Variants in CIB4 observed in about 807,000 individuals in gnomAD.
The protein encoded by CIB4 is calcium and integrin binding family member 4.
A neutral mutation model predicts 25.8 loss-of-function variants in CIB4; 25 were observed. The ratio of observed to expected loss-of-function variants is 0.97; its 90% CI spans 0.71 to 1.35. The LOEUF is 1.35. Among genes scored for constraint, CIB4 ranks in the 40% most tolerant of loss-of-function variants. The probability of loss-of-function intolerance (pLI) is 0.00; values close to 1 mark genes in which losing one functional copy is unlikely to be tolerated. For synonymous variants in CIB4, 75 were observed against 81.4 expected (o/e 0.92, Z 0.42); for missense variants, 235 against 228.2 (o/e 1.03, Z -0.19).
At chr2:26,598,841 G>A (rs1280127754) in intron 3 of CIB4, among the ~76,000 whole-genome samples, 2 of 152,144 alleles carry the variant, frequency 1.3e-5, no homozygotes, top group African/African-American at 4.8e-5. Flanking sequence ...GCCCTGGTGG[G>A]GCAGCCTCAT....
intron 2 of CIB4, among the ~76,000 whole-genome samples, chr2:26,631,951 T>G (rs1669427685): frequency 6.6e-6 from 1 of 152,174 alleles, no homozygotes; most frequent in South Asian, 2.1e-4. Context: ...GGCCCCTGGG[T>G]GCTTCCCTGG....
At chr2:26,584,961 C>T (rs1004209606) in intron 4 of CIB4, among the ~76,000 whole-genome samples, 6 of 152,198 alleles carry the variant, frequency 3.9e-5, no homozygotes, top group Admixed American at 1.3e-4. Context: ...GCCCACCCAC[C>T]GTCCCGCCAG....
At chr2:26,625,674 C>G (rs189324642) in intron 3 of CIB4, among the ~76,000 whole-genome samples, 7 of 152,322 alleles carry the variant, frequency 4.6e-5, no homozygotes, top group East Asian at 3.9e-4. Flanking sequence ...CTCCACCCCC[C>G]CACTGCTTCC....
At chr2:26,601,231 A>AAAAAAAAAAAAAAAAAAAAATAT (rs1395827334) in intron 3 of CIB4, among the ~76,000 whole-genome samples, 1 of 17,238 alleles carries the variant, frequency 5.8e-5, no homozygotes, top group African/African-American at 1.5e-4. Context: ...AAAAAAAAAA[A>AAAAAAAAAAAAAAAAAAAAATAT]ATATATATAT....
At chr2:26,622,239 T>C (rs1669217817) in intron 3 of CIB4, among the ~76,000 whole-genome samples, 1 of 152,052 alleles carries the variant, frequency 6.6e-6, no homozygotes, top group Non-Finnish European at 1.5e-5. Flanking sequence ...CGGGCACCTG[T>C]AATCCCAGCT....
chr2:26,582,163 T>G (rs766989560), intron 6 of CIB4, among the ~76,000 whole-genome samples: 1 of 152,180 alleles, frequency 6.6e-6, no homozygotes, highest in Non-Finnish European at 1.5e-5. Context: ...TGAGTGGGCA[T>G]ACTTGAAATC....
At chr2:26,583,166 C>A (rs1668384281) in intron 5 of CIB4, among the ~76,000 whole-genome samples, 1 of 152,306 alleles carries the variant, frequency 6.6e-6, no homozygotes, top group Admixed American at 6.5e-5. Context: ...GTGTCCCCCA[C>A]CTGCCCCACC....
chr2:26,581,424 G>GC, intron 6 of CIB4, 31 bp from the exon 7 acceptor site: 1 of 1,612,776 alleles, frequency 6.2e-7, no homozygotes. Context: ...AGCCATGTGA[G>GC]CCCGCAGGTC....
chr2:26,581,320 G>C lies in CIB4; in HGVS notation c.*43C>G, dbSNP rs781548389. 7 of 1,577,752 alleles carry C rather than the reference G, an allele frequency of 4.4e-6. No individual in the cohort carries two copies. The highest frequency in any genetic ancestry group is 6.1e-6 in the Non-Finnish European group (7 of 1,147,036). On this transcript the variant is annotated 3_prime_UTR_variant, in exon 7 of 7. Coordinates refer to ENST00000288861, the MANE Select transcript of CIB4 (RefSeq NM_001029881.3). ...CAGTGCTGGAGGGGGTTCGATTCCT[G>C]TGGTCTCCCTCGAGGCTGCCATGTC...
intron 4 of CIB4, among the ~76,000 whole-genome samples, chr2:26,591,135 C>T (rs945194901): frequency 1.1e-4 from 17 of 152,344 alleles, no homozygotes; most frequent in Admixed American, 5.2e-4. Flanking sequence ...GCCCAGCCTA[C>T]GCTCTACCGT....
At chr2:26,628,462 G>A (rs1669350433) in intron 3 of CIB4, among the ~76,000 whole-genome samples, 1 of 152,098 alleles carries the variant, frequency 6.6e-6, no homozygotes, top group South Asian at 2.1e-4. Context: ...GCAAGGGTGT[G>A]TGTTTGTGGG....
At chr2:26,583,000 C>G in intron 5 of CIB4, 87 bp from the exon 6 acceptor site, 2 of 832,118 alleles carry the variant, frequency 2.4e-6, no homozygotes, top group Non-Finnish European at 4.1e-6. Context: ...AAGCCACATG[C>G]CAGGGGCTCT....
intron 6 of CIB4, among the ~76,000 whole-genome samples, chr2:26,582,160 G>A (rs1449771822): frequency 3.9e-5 from 6 of 152,328 alleles, no homozygotes; most frequent in South Asian, 4.1e-4. Context: ...CCTTGAGTGG[G>A]CATACTTGAA....
At chr2:26,587,890 C>G (rs1668487105) in intron 4 of CIB4, among the ~76,000 whole-genome samples, 1 of 152,188 alleles carries the variant, frequency 6.6e-6, no homozygotes, top group Non-Finnish European at 1.5e-5. Context: ...GAAACTAAGG[C>G]CCAGGTTTGC....
intron 2 of CIB4, among the ~76,000 whole-genome samples, chr2:26,630,998 T>G (rs909322684): frequency 6.6e-6 from 1 of 152,034 alleles, no homozygotes; most frequent in Non-Finnish European, 1.5e-5. Flanking sequence ...TACCCCTCCC[T>G]CCTTTAGTCC....
At chr2:26,637,801 C>A (rs1487622005) in intron 2 of CIB4, among the ~76,000 whole-genome samples, 1 of 152,176 alleles carries the variant, frequency 6.6e-6, no homozygotes, top group African/African-American at 2.4e-5. Flanking sequence ...AGGCTGTGGT[C>A]TCCTGGGTCT....
chr2:26,589,057 T>TTCC (rs1380840560), intron 4 of CIB4, among the ~76,000 whole-genome samples: 1 of 36,096 alleles, frequency 2.8e-5, no homozygotes, highest in African/African-American at 1.1e-4. Flanking sequence ...CTTCTTCTTC[T>TTCC]TCCTCTTCCT....
rs867353885 is a variant in CIB4 at position 26,590,420 on chromosome 2, G to A, written c.328+4756C>T. Among the ~76,000 whole-genome samples, 3 of 152,172 alleles carry A rather than the reference G, an allele frequency of 2.0e-5. No homozygotes were observed. In the South Asian group the frequency reaches 6.2e-4, roughly 32 times the overall value. Reference sequence around the variant, plus strand: ...TGGGTGGAGTAGGGCCTGGGGCTCTGCATTTCTGATAAGCTTCCTGGCAGT... The same window carrying A: ...TGGGTGGAGTAGGGCCTGGGGCTCTACATTTCTGATAAGCTTCCTGGCAGT... On this transcript the variant is annotated intron_variant, in intron 4 of 6. Transcript: ENST00000288861.
chr2:26,596,703 C>T (rs910406674), intron 3 of CIB4, among the ~76,000 whole-genome samples: 16 of 150,604 alleles, frequency 1.1e-4, no homozygotes, highest in African/African-American at 3.4e-4. Flanking sequence ...GCCGAGATTG[C>T]GCCATTGCCC....
Sources: allele counts gnomAD v4.1 joint callset (sites outside exome capture counted in the v4.1 genomes callset), GRCh38; gene constraint gnomAD v4.1.1; transcripts MANE v1.5; gene names NCBI Gene and HGNC (gene_info 2026-07-23, HGNC 2026-07-21).